FLNC: variants seen among roughly 807,000 people sequenced by gnomAD.
FLNC encodes the protein filamin C.
A neutral mutation model predicts 254.3 loss-of-function variants in FLNC; 91 were observed. The observed-to-expected ratio is 0.36, with a 90% confidence interval of 0.30 to 0.43. FLNC has a LOEUF of 0.43. Among genes scored for constraint, FLNC ranks in the 20% least tolerant of loss-of-function variants. The probability of loss-of-function intolerance (pLI) is 1.00; values close to 1 mark genes in which losing one functional copy is unlikely to be tolerated. For missense variants in FLNC, 2,853 were observed against 3,802.6 expected, an observed-to-expected ratio of 0.75 and a Z score of 6.57; for synonymous variants, 1,430 against 1,577.2, an observed-to-expected ratio of 0.91 and a Z score of 2.21.
chr7:128,852,547 C>T lies in FLNC; in HGVS notation c.5843-44C>T, dbSNP rs949106347. ...TTCCTGAGCCCTGTGAGGGCAGGGC[C>T]TGCCTGGAGTCATAGCAGCCTGATG... On this transcript the variant is annotated intron_variant, in intron 35 of 47. Transcript: ENST00000325888. 4.3e-6 allele frequency: 7 copies of T among 1,611,198 alleles called. No individual in the cohort carries two copies. The Admixed American group carries it at 1.0e-4, about 23-fold the overall frequency.
In FLNC at chr7:128,844,829, C is replaced by T. The variant is rs768953805; in HGVS notation, c.3364C>T (p.Leu1122=). 1.2e-6 allele frequency: 2 copies of T among 1,614,148 alleles called. No homozygotes were observed. Among genetic ancestry groups the T allele is most frequent in the Non-Finnish European group, 1.7e-6 (2 of 1,180,044 alleles). ...NGDGSCAVSY[L]PTEPGEYTIN... is the part of the protein sequence containing the mutation. ...TGATGGCTCATGTGCTGTCAGCTAC[C>T]TGCCCACGGAGCCTGGCGAGTACAC... The change falls in exon 21 of 48, where the codon CTG becomes TTG. Residue 1122 remains leucine, a synonymous_variant. Coordinates refer to ENST00000325888, the MANE Select transcript of FLNC (RefSeq NM_001458.5).
At position 128,842,413 on chromosome 7, in the gene FLNC, G is replaced by T; in HGVS notation, c.2265+39G>T. 1 of 1,612,798 alleles carries T rather than the reference G, an allele frequency of 6.2e-7. No individual in the cohort carries two copies. Among genetic ancestry groups the T allele is most frequent in the Non-Finnish European group, 8.5e-7 (1 of 1,179,670 alleles). On this transcript the variant is annotated intron_variant, in intron 14 of 47. Coordinates refer to ENST00000325888, the MANE Select transcript of FLNC (RefSeq NM_001458.5). This position sits in a 1 kb window ranked among gnomAD's most constrained non-coding sequence, Gnocchi z 5.4. ...GCCTGCCCCGTGCCCACCACCAGGG[G>T]TCCCTGAGGGAGGGCGGAACCCTCG...
Position 128,843,273 on chromosome 7 carries a change from C to T in FLNC, c.2595C>T (p.His865=), listed in dbSNP as rs778744785. 18 of 1,611,204 alleles carry T rather than the reference C, an allele frequency of 1.1e-5. No homozygotes were observed. Among genetic ancestry groups the T allele is most frequent in the African/African-American group, 6.7e-5 (5 of 74,876 alleles). ...SPFHIKVDPS[H]DASKVKAEGP... Reference sequence around the variant, plus strand: ...TCCACATCAAGGTGGACCCATCCCACGATGCCAGCAAAGTCAAGGCCGAGG... The same window carrying T: ...TCCACATCAAGGTGGACCCATCCCATGATGCCAGCAAAGTCAAGGCCGAGG... Residue 865 remains histidine, a synonymous_variant, in exon 17 of 48, where the codon CAC becomes CAT. Coordinates refer to ENST00000325888, the MANE Select transcript of FLNC (RefSeq NM_001458.5).
chr7:128,844,170 G>C lies in FLNC; in HGVS notation c.3096G>C (p.Glu1032Asp), dbSNP rs1026466177. The change falls in exon 20 of 48, where the codon GAG becomes GAC. Residue 1032 changes from glutamate to aspartate, a missense_variant. Around this residue, in one of 10 missense-constraint regions of FLNC, gnomAD observed 1,573 missense variants for 1,883.5 expected, o/e 0.84. Coordinates refer to ENST00000325888, the MANE Select transcript of FLNC (RefSeq NM_001458.5). ...EAQAVRYMPP[E>D]EGPYKVDITY... ...AGGCTGTGCGCTACATGCCCCCGGAGGAGGGGCCCTACAAGGTGGATATCA... is the reference window on the plus strand; with the variant it reads ...AGGCTGTGCGCTACATGCCCCCGGACGAGGGGCCCTACAAGGTGGATATCA... The C allele has an allele frequency of 5.0e-6, 8 of 1,613,782 alleles. No homozygotes were observed. Among genetic ancestry groups the C allele is most frequent in the Non-Finnish European group, 6.8e-6 (8 of 1,180,010 alleles).
At chr7:128,847,058 G>A (rs1041319507) in intron 24 of FLNC, among the ~76,000 whole-genome samples, 153 bp downstream of exon 24, 10 of 152,252 alleles carry the variant, frequency 6.6e-5, no homozygotes, top group Non-Finnish European at 1.3e-4. Context: ...CCAGAGGGAG[G>A]ACGTGGAGGA....
chr7:128,858,176 T>C lies in FLNC; in HGVS notation c.7949T>C (p.Val2650Ala), dbSNP rs921757699. Reference protein sequence around the residue: ...TRGPGLSQAFVGQKNSFTVDC... With the variant: ...TRGPGLSQAFAGQKNSFTVDC... ...GGCCCTGGGCTGTCCCAGGCCTTCG[T>C]GGGCCAGAAGAACTCCTTCACCGTG... Residue 2650 changes from valine (V) to alanine (A), a missense_variant, in exon 47 of 48, where the codon GTG (valine) becomes GCG (alanine). Around this residue, in one of 10 missense-constraint regions of FLNC, gnomAD observed 197 missense variants for 351.5 expected, o/e 0.56. Coordinates refer to ENST00000325888, the MANE Select transcript of FLNC (RefSeq NM_001458.5). The surrounding 1 kb of genome is among the most constrained non-coding windows in gnomAD (Gnocchi z 6.7). The C allele has an allele frequency of 6.4e-7, 1 of 1,561,706 alleles. No homozygotes were observed.
At chr7:128,831,930 A>AT (rs1807909371) in intron 1 of FLNC, among the ~76,000 whole-genome samples, 1 of 151,738 alleles carries the variant, frequency 6.6e-6, no homozygotes, top group African/African-American at 2.4e-5. Flanking sequence ...CCTGGGGAAG[A>AT]TCCCCCCGCC....
In FLNC at chr7:128,858,942, TG is replaced by T. The variant is rs1387558223; in HGVS notation, c.*421del. ...AGATACCCTCCTGACCCCGAGGACTTGGTCTGGTCTCTCTGGTGGCTACAAC... is the reference window on the plus strand; with the variant it reads ...AGATACCCTCCTGACCCCGAGGACTTGTCTGGTCTCTCTGGTGGCTACAAC... On this transcript the variant is annotated 3_prime_UTR_variant, in exon 48 of 48. Transcript: ENST00000325888. This position sits in a 1 kb window ranked among gnomAD's most constrained non-coding sequence, Gnocchi z 6.7. The T allele has an allele frequency of 3.3e-5, 8 of 243,262 alleles. No individual in the cohort carries two copies. The highest frequency in any genetic ancestry group is 1.6e-5 in the Non-Finnish European group (2 of 122,692). 15.1% of individuals were successfully genotyped at this position (243,262 alleles called of 1,614,324 possible).
At position 128,858,576 on chromosome 7, in the gene FLNC, T is replaced by C. The variant is rs1488207449; in HGVS notation, c.*53T>C. 118 of 998,968 alleles carry C rather than the reference T, an allele frequency of 1.2e-4. No homozygotes were observed. Among genetic ancestry groups the C allele is most frequent in the South Asian group, 2.7e-5 (2 of 73,782 alleles). 61.9% of individuals were successfully genotyped at this position (998,968 alleles called of 1,614,324 possible). A position where few individuals can be genotyped will look rare whatever the true frequency, so the allele number is the denominator to read the frequency against. ...CCCCCACCTCCAGCCACACACACAT[T>C]ACACACACACACACACACACACAAA... On this transcript the variant is annotated 3_prime_UTR_variant, in exon 48 of 48. Transcript: ENST00000325888. The surrounding 1 kb of genome is among the most constrained non-coding windows in gnomAD (Gnocchi z 6.7).
intron 31 of FLNC, 79 bp from the exon 32 acceptor site, chr7:128,850,305 C>T (rs1368635850): frequency 2.8e-5 from 34 of 1,227,396 alleles, no homozygotes; most frequent in Non-Finnish European, 4.1e-5. Context: ...TCTTTCCTCA[C>T]TCTCCAGCTT....
In FLNC at chr7:128,838,436, C is replaced by A; in HGVS notation, c.1210+7C>A. The A allele has an allele frequency of 6.5e-7, 1 of 1,534,816 alleles. No homozygotes were observed. The highest frequency in any genetic ancestry group is 1.1e-5 in the South Asian group (1 of 89,806). On this transcript the variant is annotated splice_region_variant and intron_variant, in intron 7 of 47. Transcript: ENST00000325888. ...TTTGACATCTACACTGCGGGTAGGA[C>A]GGGCCCCAGGGGGTGCAGGTGGAAA...
Position 128,848,649 on chromosome 7 carries a change from A to C in FLNC, c.4669A>C (p.Ser1557Arg). 6.2e-7 allele frequency: 1 copy of C among 1,613,664 alleles called. No individual in the cohort carries two copies. The highest frequency in any genetic ancestry group is 8.5e-7 in the Non-Finnish European group (1 of 1,180,010). ...CCTCAACGCCTCTGGCATCCCTGCCAGCCTGCCTGTGGAGTTCACCATCGA... is the reference window on the plus strand; with the variant it reads ...CCTCAACGCCTCTGGCATCCCTGCCCGCCTGCCTGTGGAGTTCACCATCGA... Reference protein sequence around the residue: ...PGLNASGIPASLPVEFTIDAR... With the variant: ...PGLNASGIPARLPVEFTIDAR... The change falls in exon 27 of 48, where the codon AGC becomes CGC. Residue 1557 changes from serine to arginine, a missense_variant. Ser to Arg is a moderately radical substitution (Grantham distance 110). This residue lies in a region of FLNC where 1,573 missense variants were observed against 1,883.5 expected (regional missense o/e 0.84). Transcript: ENST00000325888.
intron 28 of FLNC, 74 bp from the exon 29 acceptor site, chr7:128,849,107 C>G: frequency 7.3e-7 from 1 of 1,363,114 alleles, no homozygotes; most frequent in Non-Finnish European, 1.0e-6. Context: ...CCTGGCCCCT[C>G]CCTCCCTCAC....
rs372467579 is a variant in FLNC, at chr7:128,844,166, C to T, written c.3092C>T (p.Pro1031Leu). ...GCCCAGGCTGTGCGCTACATGCCCCCGGAGGAGGGGCCCTACAAGGTGGAT... is the reference window on the plus strand; with the variant it reads ...GCCCAGGCTGTGCGCTACATGCCCCTGGAGGAGGGGCCCTACAAGGTGGAT... Reference protein sequence around the residue: ...AEAQAVRYMPPEEGPYKVDIT... With the variant: ...AEAQAVRYMPLEEGPYKVDIT... The change falls in exon 20 of 48, where the codon CCG (proline) becomes CTG (leucine). Residue 1031 changes from proline to leucine, a missense_variant. This residue lies in a region of FLNC where 1,573 missense variants were observed against 1,883.5 expected (regional missense o/e 0.84). Transcript: ENST00000325888. The T allele has an allele frequency of 8.0e-5, 129 of 1,613,758 alleles. No individual in the cohort carries two copies. The highest frequency in any genetic ancestry group is 1.6e-4 in the Middle Eastern group (1 of 6,064).
intron 21 of FLNC, among the ~76,000 whole-genome samples, chr7:128,845,457 C>T (rs957466323): frequency 1.3e-5 from 2 of 152,168 alleles, no homozygotes; most frequent in African/African-American, 4.8e-5. Flanking sequence ...AGATTGGCCT[C>T]TGCTCTTGTG....
rs1442232616 is a variant in FLNC at position 128,853,244 on chromosome 7, T to C, written c.6208+213T>C. ...TAAGAGAAAGCTCAGCTGTCCTGAG[T>C]TTCTGTCCCTCCCTTGCTCACTGGA... On this transcript the variant is annotated intron_variant, in intron 37 of 47. Coordinates refer to ENST00000325888, the MANE Select transcript of FLNC (RefSeq NM_001458.5). 3 of 708,780 alleles carry C rather than the reference T, an allele frequency of 4.2e-6. No individual in the cohort carries two copies. In the African/African-American group the frequency reaches 5.3e-5, roughly 12 times the overall value. The allele number at this position is 708,780 out of a possible 1,614,324, so 43.9% of individuals were successfully genotyped here.
At chr7:128,848,760 A>G (rs1356832021) in intron 27 of FLNC, 33 bp from the exon 28 acceptor site, 10 of 1,613,966 alleles carry the variant, frequency 6.2e-6, no homozygotes, top group Admixed American at 3.3e-5. Flanking sequence ...TGCTCCAGGC[A>G]CAGGCGGGCC....
At chr7:128,843,081 C>CACCCTGCCTCACACAGGT in intron 16 of FLNC, 127 bp downstream of exon 16, 2 of 1,388,354 alleles carry the variant, frequency 1.4e-6, no homozygotes, top group South Asian at 1.2e-5. Flanking sequence ...CTGTGTGAGG[C>CACCCTGCCTCACACAGGT]AGGGTGCCTC....
rs1808654866 is a variant in FLNC at position 128,848,392 on chromosome 7, C to T, written c.4581-169C>T. ...TCGAGGGAGTCCCAGAGTGCCCCCACCCCCAGACATGGAATGTCATCGGCT... is the reference window on the plus strand; with the variant it reads ...TCGAGGGAGTCCCAGAGTGCCCCCATCCCCAGACATGGAATGTCATCGGCT... On this transcript the variant is annotated intron_variant, in intron 26 of 47. Coordinates refer to ENST00000325888, the MANE Select transcript of FLNC (RefSeq NM_001458.5). Among the ~76,000 whole-genome samples the T allele has an allele frequency of 3.3e-5, 5 of 152,126 alleles. No individual in the cohort carries two copies. In the South Asian group the frequency reaches 1.0e-3, roughly 31 times the overall value.
Sources: allele counts gnomAD v4.1 joint callset (sites outside exome capture counted in the v4.1 genomes callset), GRCh38; gene constraint gnomAD v4.1.1; regional missense constraint gnomAD v4.1.1; non-coding constraint Gnocchi (gnomAD v3.1); transcripts MANE v1.5; gene names NCBI Gene and HGNC (gene_info 2026-07-23, HGNC 2026-07-21).